RIC8B: variants seen among roughly 807,000 people sequenced by gnomAD.
RIC8B encodes the protein RIC8 guanine nucleotide exchange factor B, also known as chaperone Ric-8B.
In RIC8B, 16 loss-of-function variants were observed where a neutral mutation model predicts 57.5. The ratio of observed to expected loss-of-function variants is 0.28; its 90% confidence interval spans 0.19 to 0.42. The LOEUF is 0.42. Among genes scored for constraint, RIC8B ranks in the 10% least tolerant of loss-of-function variants. The pLI, the probability that RIC8B is intolerant of heterozygous loss-of-function variation, is 1.00. For missense variants in RIC8B, 481 were observed against 677.0 expected (o/e 0.71, Z 3.21); for synonymous variants, 216 against 250.8 (o/e 0.86, Z 1.31).
intron 2 of RIC8B, among the ~76,000 whole-genome samples, chr12:106,795,636 C>A (rs1190267968): frequency 6.6e-6 from 1 of 152,064 alleles, no homozygotes; most frequent in African/African-American, 2.4e-5. Flanking sequence ...GTACATGTGG[C>A]TGACAAAGAG....
chr12:106,879,699 G>C lies in RIC8B; in HGVS notation c.1572-6205G>C. On this transcript the variant is annotated intron_variant, in intron 9 of 9. Transcript: ENST00000392837. This position sits in a 1 kb window ranked among gnomAD's most constrained non-coding sequence, Gnocchi z 4.9. ...GGACGTGCTTTATCTGTGTCCTCTT[G>C]CCTGGCCAAGCCCTTGTAGATTATG... 1.0e-6 allele frequency: 1 copy of C among 985,354 alleles called. No individual in the cohort carries two copies. Among genetic ancestry groups the C allele is most frequent in the Non-Finnish European group, 1.2e-6 (1 of 829,928 alleles). The allele number at this position is 985,354 out of a possible 1,614,324, so 61.0% of individuals were successfully genotyped here. A position where few individuals can be genotyped will look rare whatever the true frequency, so the allele number is the denominator to read the frequency against.
At chr12:106,881,313 C>G (rs953978156) in intron 9 of RIC8B, among the ~76,000 whole-genome samples, 1 of 151,432 alleles carries the variant, frequency 6.6e-6, no homozygotes, top group Non-Finnish European at 1.5e-5. Flanking sequence ...TTCAAATCCT[C>G]TTTTATACCG....
At chr12:106,807,489 GA>G in intron 2 of RIC8B, among the ~76,000 whole-genome samples, 1 of 152,324 alleles carries the variant, frequency 6.6e-6, no homozygotes, top group Non-Finnish European at 1.5e-5. Flanking sequence ...TATAGAAGGG[GA>G]TAAGACAGTG....
chr12:106,819,844 A>G (rs1300964611), intron 3 of RIC8B, among the ~76,000 whole-genome samples: 2 of 150,860 alleles, frequency 1.3e-5, no homozygotes, highest in African/African-American at 4.8e-5. Context: ...GTATTCCTTC[A>G]TAAGGAAAGA....
At chr12:106,776,379 G>A (rs1677364677) in intron 1 of RIC8B, among the ~76,000 whole-genome samples, 1 of 152,208 alleles carries the variant, frequency 6.6e-6, no homozygotes, top group South Asian at 2.1e-4. Flanking sequence ...ATATAAGGCA[G>A]CTTCAAACTG....
In RIC8B at chr12:106,815,314, A is replaced by C; in HGVS notation, c.741+10A>C. 6.3e-7 allele frequency: 1 copy of C among 1,584,222 alleles called. No homozygotes were observed. Among genetic ancestry groups the C allele is most frequent in the Non-Finnish European group, 8.6e-7 (1 of 1,166,844 alleles). On this transcript the variant is annotated intron_variant, in intron 3 of 9. Transcript: ENST00000392837. ...GAAGGTGCATAAAGAGGTAAGGTAG[A>C]GAAGGCTATTTTTGTCTACCTGGAA...
At chr12:106,839,901 C>T (rs1701298223) in intron 4 of RIC8B, among the ~76,000 whole-genome samples, 1 of 151,826 alleles carries the variant, frequency 6.6e-6, no homozygotes, top group Non-Finnish European at 1.5e-5. Context: ...GCGTGTGGTC[C>T]CAGCTACTCA....
chr12:106,874,177 T>C (rs1950566660), intron 9 of RIC8B, among the ~76,000 whole-genome samples: 1 of 152,238 alleles, frequency 6.6e-6, no homozygotes, highest in Admixed American at 6.5e-5. Flanking sequence ...TCAAGACGTT[T>C]GCTCTGTCCA....
intron 2 of RIC8B, among the ~76,000 whole-genome samples, chr12:106,797,771 A>G (rs1031379373): frequency 2.0e-5 from 3 of 152,228 alleles, no homozygotes; most frequent in Non-Finnish European, 4.4e-5. Context: ...GCTATAAAGT[A>G]GGTAGAATTT....
In RIC8B at chr12:106,787,887, C is replaced by CA. The variant is rs200849442; in HGVS notation, c.132+3844dup. The stretch of plus-strand genomic sequence containing the variant: ...CTGGCCCCTCCAAATCTCATGTTCT[C>CA]ACATTTCAAAACCAATTATGCCTTT... On this transcript the variant is annotated intron_variant, in intron 2 of 9. Transcript: ENST00000392837. Among the ~76,000 whole-genome samples, 539 of 152,272 alleles carry CA rather than the reference C, an allele frequency of 3.5e-3. 4 individuals carry two copies. The highest frequency in any genetic ancestry group is 0.013 in the African/African-American group (520 of 41,550).
At chr12:106,843,103 T>C (rs1437289836) in intron 5 of RIC8B, among the ~76,000 whole-genome samples, 1 of 152,216 alleles carries the variant, frequency 6.6e-6, no homozygotes, top group Non-Finnish European at 1.5e-5. Context: ...TTCCATTTTG[T>C]TACTTTGTGA....
chr12:106,836,228 T>C (rs1056886455), intron 4 of RIC8B, among the ~76,000 whole-genome samples: 19 of 152,360 alleles, frequency 1.2e-4, no homozygotes, highest in African/African-American at 4.3e-4. Context: ...GAATGATTGA[T>C]CGAGTGCTCC....
intron 2 of RIC8B, among the ~76,000 whole-genome samples, chr12:106,803,339 T>C (rs921462808): frequency 2.6e-5 from 4 of 151,866 alleles, no homozygotes; most frequent in African/African-American, 9.7e-5. Flanking sequence ...TTTTATAGAA[T>C]CTTTTGTACT....
chr12:106,851,646 G>C, intron 7 of RIC8B, 52 bp downstream of exon 7: 1 of 1,502,888 alleles, frequency 6.7e-7, no homozygotes, highest in Non-Finnish European at 9.2e-7. Context: ...GGGACTTTGA[G>C]AAATTTAATT....
At chr12:106,799,059 C>G (rs544585935) in intron 2 of RIC8B, among the ~76,000 whole-genome samples, 1 of 152,302 alleles carries the variant, frequency 6.6e-6, no homozygotes, top group Admixed American at 6.5e-5. Context: ...GGAACATTTT[C>G]AGATACGTTC....
intron 9 of RIC8B, among the ~76,000 whole-genome samples, chr12:106,878,128 A>T (rs1311070389): frequency 6.6e-6 from 1 of 152,096 alleles, no homozygotes; most frequent in African/African-American, 2.4e-5. Context: ...TAGACCTCAA[A>T]TTTGCTATGG....
intron 4 of RIC8B, among the ~76,000 whole-genome samples, chr12:106,836,527 G>A (rs1031181551): frequency 6.6e-6 from 1 of 152,118 alleles, no homozygotes; most frequent in African/African-American, 2.4e-5. Context: ...GGCACCTCCA[G>A]CTTTTCACTT....
chr12:106,849,533 G>T (rs187489828), intron 6 of RIC8B, among the ~76,000 whole-genome samples: 1 of 150,420 alleles, frequency 6.6e-6, no homozygotes, highest in African/African-American at 2.4e-5. Context: ...TTAGAAAAAA[G>T]AAACAAGGAA....
chr12:106,798,969 C>T (rs141077266), intron 2 of RIC8B, among the ~76,000 whole-genome samples: 16 of 152,292 alleles, frequency 1.1e-4, no homozygotes, highest in African/African-American at 3.4e-4. Context: ...TTATATCTCA[C>T]TAACTCAAAA....
Sources: allele counts gnomAD v4.1 joint callset (sites outside exome capture counted in the v4.1 genomes callset), GRCh38; gene constraint gnomAD v4.1.1; non-coding constraint Gnocchi (gnomAD v3.1); transcripts MANE v1.5; gene names NCBI Gene and HGNC (gene_info 2026-07-23, HGNC 2026-07-21).